Variants in USH2A observed in about 807,000 individuals in gnomAD.
USH2A encodes usherin.
Under a neutral mutation model 538.9 loss-of-function variants are expected in USH2A, and 443 were observed. That is an observed-to-expected ratio of 0.82 (90% confidence interval 0.76 to 0.89). The LOEUF (loss-of-function observed/expected upper bound fraction) is 0.89. USH2A is among the 40% of genes least tolerant of loss of function. The probability of loss-of-function intolerance (pLI) is 0.00; values close to 1 mark genes in which losing one functional copy is unlikely to be tolerated. For synonymous variants in USH2A, 2,413 were observed against 2,273.5 expected, an observed-to-expected ratio of 1.06 and a Z score of -1.75; for missense variants, 6,633 against 6,324.8, an observed-to-expected ratio of 1.05 and a Z score of -1.65.
At chr1:216,353,058 A>T (rs2102692939) in intron 4 of USH2A, among the ~76,000 whole-genome samples, 1 of 152,002 alleles carries the variant, frequency 6.6e-6, no homozygotes, top group East Asian at 1.9e-4. Context: ...GGTAGTGCCA[A>T]GATCATAGTA....
At chr1:216,359,727 T>C (rs946906012) in intron 4 of USH2A, among the ~76,000 whole-genome samples, 6 of 152,080 alleles carry the variant, frequency 3.9e-5, no homozygotes, top group Non-Finnish European at 7.4e-5. Flanking sequence ...GTTCCTGATA[T>C]GTGCAAATGA....
Position 215,675,500 on chromosome 1 carries a change from T to C in USH2A, c.12411A>G (p.Arg4137=). ...GAGGCGCCGAGTGTGCACAACCTGC[T>C]CTGGTGCAGGCCTCCAGGGTCAGTG... ...LYTLTLEACT[R]AGCAHSAPQP... Residue 4137 remains arginine (R), a synonymous_variant, in exon 63 of 72, where the codon AGA becomes AGG. Coordinates refer to ENST00000307340, the MANE Select transcript of USH2A (RefSeq NM_206933.4). The C allele has an allele frequency of 6.2e-7, 1 of 1,614,074 alleles. No individual in the cohort carries two copies. The highest frequency in any genetic ancestry group is 8.5e-7 in the Non-Finnish European group (1 of 1,179,992).
chr1:215,968,459 G>C (rs917411361), intron 36 of USH2A, among the ~76,000 whole-genome samples: 5 of 151,930 alleles, frequency 3.3e-5, no homozygotes, highest in African/African-American at 1.2e-4. Flanking sequence ...AAAAAAATGA[G>C]CTAATACTAC....
intron 21 of USH2A, 138 bp downstream of exon 21, chr1:216,175,114 A>C: frequency 6.7e-7 from 1 of 1,499,500 alleles, no homozygotes; most frequent in South Asian, 1.3e-5. Context: ...TGAAACAATC[A>C]GGCAAAAGCT....
chr1:216,275,896 G>A (rs544376375), intron 11 of USH2A, among the ~76,000 whole-genome samples: 1 of 151,872 alleles, frequency 6.6e-6, no homozygotes, highest in Non-Finnish European at 1.5e-5. Flanking sequence ...CAAACAAATG[G>A]GTATGTTTCC....
At chr1:216,013,371 T>C (rs1265768004) in intron 32 of USH2A, among the ~76,000 whole-genome samples, 1 of 151,524 alleles carries the variant, frequency 6.6e-6, no homozygotes, top group Non-Finnish European at 1.5e-5. Flanking sequence ...GCCCATTATC[T>C]CTCCATACCA....
intron 3 of USH2A, among the ~76,000 whole-genome samples, chr1:216,399,955 T>C (rs755397670): frequency 6.6e-6 from 1 of 151,916 alleles, no homozygotes; most frequent in Non-Finnish European, 1.5e-5. Flanking sequence ...AAAAAGAAGA[T>C]GAATTTGGAT....
intron 61 of USH2A, among the ~76,000 whole-genome samples, chr1:215,705,577 G>GT (rs1167254981): frequency 6.6e-6 from 1 of 152,188 alleles, no homozygotes; most frequent in Non-Finnish European, 1.5e-5. Context: ...TTTCTGTTCT[G>GT]TTTTCTAAGT....
chr1:216,198,198 A>G (rs2034894599), intron 18 of USH2A, 117 bp downstream of exon 18: 2 of 1,486,656 alleles, frequency 1.3e-6, no homozygotes, highest in Non-Finnish European at 1.8e-6. Flanking sequence ...TCCTTGGTCT[A>G]TGGAAGTTTC....
intron 61 of USH2A, among the ~76,000 whole-genome samples, chr1:215,691,221 T>C (rs1378051619): frequency 6.6e-6 from 1 of 152,074 alleles, no homozygotes; most frequent in Non-Finnish European, 1.5e-5. Flanking sequence ...ATTGTCCACA[T>C]AGCAAAAGTG....
chr1:216,228,928 C>G (rs1448128117), intron 14 of USH2A, among the ~76,000 whole-genome samples: 1 of 151,954 alleles, frequency 6.6e-6, no homozygotes, highest in Non-Finnish European at 1.5e-5. Context: ...AATCCCAGCA[C>G]TTTGGGAGGC....
In USH2A at chr1:215,660,610, A is replaced by G. The variant is rs570798671; in HGVS notation, c.14134-9809T>C. On this transcript the variant is annotated intron_variant, in intron 64 of 71. Transcript: ENST00000307340. ...GGCTTTTCAAAAATATTGCTCTACA[A>G]TGAAATTTGTTAATTGGATGGCTTC... 1.9e-3 allele frequency among the ~76,000 whole-genome samples: 284 copies of G among 152,334 alleles called. 1 individual carries two copies. The highest frequency in any genetic ancestry group is 6.4e-3 in the African/African-American group (268 of 41,572).
rs1035207834 is a variant in USH2A at position 215,699,159 on chromosome 1, T to C, written c.12067-18783A>G. Among the ~76,000 whole-genome samples the C allele has an allele frequency of 4.6e-5, 7 of 152,130 alleles. 1 individual carries two copies. The South Asian group carries it at 1.4e-3, about 31-fold the overall frequency. ...TATGTTGTTACTTCTGAGGCCTCTG[T>C]TCTGTTTCATTGGTCTATATATCTG... On this transcript the variant is annotated intron_variant, in intron 61 of 71. Coordinates refer to ENST00000307340, the MANE Select transcript of USH2A (RefSeq NM_206933.4).
In USH2A at chr1:216,250,892, G is replaced by A. The variant is rs139647897; in HGVS notation, c.2167+11C>T. On this transcript the variant is annotated intron_variant, in intron 12 of 71. Transcript: ENST00000307340. The stretch of plus-strand genomic sequence containing the variant: ...TAGAGATGTGACTGTAAACTTTTGC[G>A]TTACACGTACCAATAACGTTTGCTT... The A allele has an allele frequency of 1.8e-4, 283 of 1,613,396 alleles. 1 individual carries two copies. Among genetic ancestry groups the A allele is most frequent in the African/African-American group, 7.6e-4 (57 of 74,984 alleles).
intron 11 of USH2A, among the ~76,000 whole-genome samples, chr1:216,259,913 AAAATG>A (rs1192048237): frequency 6.6e-6 from 1 of 152,110 alleles, no homozygotes; most frequent in Non-Finnish European, 1.5e-5. Flanking sequence ...TCAAAGACGA[AAAATG>A]AAATGAAGAA....
chr1:216,045,536 C>T (rs967596533), intron 32 of USH2A, among the ~76,000 whole-genome samples: 1 of 152,128 alleles, frequency 6.6e-6, no homozygotes, highest in Non-Finnish European at 1.5e-5. Context: ...GAAGTAATTA[C>T]TGTCAATGGC....
At chr1:215,670,810 G>C (rs1657789978) in intron 64 of USH2A, among the ~76,000 whole-genome samples, 162 bp downstream of exon 64, 1 of 152,062 alleles carries the variant, frequency 6.6e-6, no homozygotes, top group South Asian at 2.1e-4. Context: ...AATGAACATG[G>C]TTTTTCCTCA....
intron 44 of USH2A, among the ~76,000 whole-genome samples, chr1:215,862,014 A>C (rs1280033544): frequency 6.6e-6 from 1 of 151,708 alleles, no homozygotes; most frequent in Non-Finnish European, 1.5e-5. Context: ...CAATTTTTGT[A>C]TTTTTAGTAG....
At chr1:216,296,521 A>G (rs2037108242) in intron 9 of USH2A, among the ~76,000 whole-genome samples, 1 of 152,072 alleles carries the variant, frequency 6.6e-6, no homozygotes, top group South Asian at 2.1e-4. Flanking sequence ...CATGATAGAC[A>G]ATTGCTAAGC....
Sources: allele counts gnomAD v4.1 joint callset (sites outside exome capture counted in the v4.1 genomes callset), GRCh38; gene constraint gnomAD v4.1.1; transcripts MANE v1.5; gene names NCBI Gene and HGNC (gene_info 2026-07-23, HGNC 2026-07-21).